PDK1: variants seen among roughly 807,000 people sequenced by gnomAD.
The protein encoded by PDK1 is [Pyruvate dehydrogenase (acetyl-transferring)] kinase isozyme 1, mitochondrial.
PDK1 carries 39 observed loss-of-function variants against 54.2 expected under a neutral mutation model. That is an observed-to-expected ratio of 0.72 (90% CI 0.56 to 0.94). PDK1 has a LOEUF of 0.94. Among genes scored for constraint, PDK1 ranks in the 40% least tolerant of loss-of-function variants. The pLI, the probability that PDK1 is intolerant of heterozygous loss-of-function variation, is 0.00. For missense variants in PDK1, 552 were observed against 566.0 expected, an observed-to-expected ratio of 0.98 and a Z score of 0.25; for synonymous variants, 221 against 207.1, an observed-to-expected ratio of 1.07 and a Z score of -0.58.
chr2:172,633,682 T>A, the PDK1 span, among the ~76,000 whole-genome samples: 2 of 150,996 alleles, frequency 1.3e-5, no homozygotes, highest in East Asian at 3.9e-4. Flanking sequence ...TCAATTCAAT[T>A]CTCTTCTTTT....
the PDK1 span, among the ~76,000 whole-genome samples, chr2:172,632,980 C>CAA: frequency 7.4e-3 from 557 of 75,476 alleles, 50 homozygotes; most frequent in East Asian, 0.07. Context: ...GATTCTGTCT[C>CAA]AAAAAAAAAA....
chr2:172,563,599 C>T (rs952196875), intron 3 of PDK1, among the ~76,000 whole-genome samples: 7 of 152,118 alleles, frequency 4.6e-5, no homozygotes, highest in African/African-American at 7.2e-5. Flanking sequence ...TTTGGGAGGC[C>T]GAGGCGGGCG....
At chr2:172,619,111 T>C in the PDK1 span, among the ~76,000 whole-genome samples, 1 of 152,100 alleles carries the variant, frequency 6.6e-6, no homozygotes, top group African/African-American at 2.4e-5. Flanking sequence ...TCACCACTTG[T>C]ATGCTACCCT....
intron 8 of PDK1, among the ~76,000 whole-genome samples, chr2:172,575,225 T>C (rs1224902399): frequency 6.6e-6 from 1 of 152,206 alleles, no homozygotes; most frequent in Non-Finnish European, 1.5e-5. Flanking sequence ...TTATGGTTTA[T>C]GTTGTTTTGT....
At chr2:172,624,069 A>G in the PDK1 span, among the ~76,000 whole-genome samples, 31 of 152,046 alleles carry the variant, frequency 2.0e-4, no homozygotes, top group Non-Finnish European at 3.8e-4. Flanking sequence ...GGAGCTACCA[A>G]TCATCAGATC....
the PDK1 span, among the ~76,000 whole-genome samples, chr2:172,642,752 C>A: frequency 2.0e-5 from 3 of 152,066 alleles, no homozygotes; most frequent in Admixed American, 6.5e-5. Context: ...TACTGGCTTT[C>A]TTCTCCTCTT....
intron 1 of PDK1, chr2:172,556,585 T>G: frequency 2.8e-6 from 1 of 356,664 alleles, no homozygotes; most frequent in Non-Finnish European, 5.0e-6. Context: ...ACAAACCAGC[T>G]GGGCCGCGGG....
chr2:172,583,346 G>A (rs1690027191), intron 8 of PDK1, among the ~76,000 whole-genome samples: 1 of 127,272 alleles, frequency 7.9e-6, no homozygotes, highest in Admixed American at 9.4e-5. Context: ...ACCCAGGCTA[G>A]AGTGCAGTGG....
the PDK1 span, among the ~76,000 whole-genome samples, chr2:172,667,993 C>G: frequency 6.6e-6 from 1 of 152,232 alleles, no homozygotes; most frequent in East Asian, 1.9e-4. Context: ...TTGAGAAAGT[C>G]TCAATAATAA....
At chr2:172,575,878 A>C (rs13008835) in intron 8 of PDK1, among the ~76,000 whole-genome samples, 26,733 of 152,080 alleles carry the variant, frequency 0.18, 2,818 homozygotes, top group African/African-American at 0.28. Context: ...ATCTATTTAG[A>C]TTGTCCATTT....
At position 172,605,681 on chromosome 2, in the gene PDK1, T is replaced by C. The variant is rs1031057983; in HGVS notation, c.*9712T>C. 2.6e-5 allele frequency: 4 copies of C among 152,206 alleles called. No homozygotes were observed. Among genetic ancestry groups the C allele is most frequent in the Admixed American group, 2.0e-4 (3 of 15,274 alleles). The allele number at this position is 152,206 out of a possible 1,614,324, so 9.4% of individuals were successfully genotyped here. A position where few individuals can be genotyped will look rare whatever the true frequency, so the allele number is the denominator to read the frequency against. On this transcript the variant is annotated 3_prime_UTR_variant, in exon 11 of 11. Coordinates refer to ENST00000282077, the MANE Select transcript of PDK1 (RefSeq NM_002610.5). ...TGAACCACCGTGCTCAGCCTCTCTG[T>C]AAATCTTGAGTCGGCACTGAGCTCA...
chr2:172,695,695 C>G, the PDK1 span, among the ~76,000 whole-genome samples: 1 of 152,090 alleles, frequency 6.6e-6, no homozygotes, highest in South Asian at 2.1e-4. Context: ...TCCTTGCTGG[C>G]TTGATGAATT....
chr2:172,585,316 ATTTTTTTTTT>A (rs538241255), intron 8 of PDK1, among the ~76,000 whole-genome samples: 3 of 103,304 alleles, frequency 2.9e-5, no homozygotes, highest in East Asian at 2.7e-4. Context: ...TGCATTTTTA[ATTTTTTTTTT>A]TTTTTTTTTT....
chr2:172,622,230 TATATTATGTGAGATGTTTATATCTC>T, the PDK1 span, among the ~76,000 whole-genome samples: 190 of 126,242 alleles, frequency 1.5e-3, no homozygotes, highest in Non-Finnish European at 2.7e-3. Flanking sequence ...TTATATCTCA[TATATTATGTGAGATGTTTATATCTC>T]ATATTATGTG....
the PDK1 span, among the ~76,000 whole-genome samples, chr2:172,670,054 A>T: frequency 3.3e-5 from 5 of 149,668 alleles, no homozygotes; most frequent in South Asian, 2.1e-4. Flanking sequence ...GCATAGATTT[A>T]AAAAAAAAAT....
the PDK1 span, among the ~76,000 whole-genome samples, chr2:172,659,582 G>A: frequency 6.6e-6 from 1 of 152,040 alleles, no homozygotes; most frequent in Non-Finnish European, 1.5e-5. Context: ...GTAAAATTTT[G>A]CCTCCCCTAC....
the PDK1 span, among the ~76,000 whole-genome samples, chr2:172,672,631 T>A: frequency 4.2e-3 from 639 of 151,470 alleles, 3 homozygotes; most frequent in Middle Eastern, 0.014. Flanking sequence ...TTTTTTTTTT[T>A]AAAAAACAAG....
the PDK1 span, among the ~76,000 whole-genome samples, chr2:172,624,987 T>G: frequency 2.0e-5 from 3 of 148,526 alleles, no homozygotes; most frequent in African/African-American, 5.0e-5. Context: ...AAACTCCATC[T>G]CAAAAAAAAA....
chr2:172,642,124 C>T, the PDK1 span, among the ~76,000 whole-genome samples: 3 of 152,148 alleles, frequency 2.0e-5, no homozygotes, highest in Admixed American at 6.5e-5. Context: ...CATACCCCAT[C>T]GGCACTGCTG....
Sources: allele counts gnomAD v4.1 joint callset (sites outside exome capture counted in the v4.1 genomes callset), GRCh38; gene constraint gnomAD v4.1.1; transcripts MANE v1.5; gene names NCBI Gene and HGNC (gene_info 2026-07-23, HGNC 2026-07-21).